GGT1: variants seen among roughly 807,000 people sequenced by gnomAD.
GGT1 encodes glutathione hydrolase 1 proenzyme.
A neutral mutation model predicts 56.0 loss-of-function variants in GGT1; 21 were observed. The ratio of observed to expected loss-of-function variants is 0.38; its 90% CI spans 0.27 to 0.54. The LOEUF (loss-of-function observed/expected upper bound fraction) is 0.54, where lower values mean the gene tolerates loss of function less well. GGT1 is among the 20% of genes least tolerant of loss of function. GGT1 has a pLI of 0.82. For missense variants in GGT1, 466 were observed against 787.0 expected, an observed-to-expected ratio of 0.59 and a Z score of 4.88; for synonymous variants, 238 against 342.6, an observed-to-expected ratio of 0.69 and a Z score of 3.37.
the GGT1 span, chr22:24,589,276 G>A: frequency 4.0e-6 from 5 of 1,248,624 alleles, no homozygotes; most frequent in South Asian, 1.4e-5. Flanking sequence ...CTGTGGGGTG[G>A]AGGCTGCAGG....
At chr22:24,608,489 G>A (rs1334260538) in intron 2 of GGT1, among the ~76,000 whole-genome samples, 1 of 152,208 alleles carries the variant, frequency 6.6e-6, no homozygotes, top group Non-Finnish European at 1.5e-5. Flanking sequence ...ATGACCCTGA[G>A]CCTGGGAGAG....
At chr22:24,621,576 G>A (rs1272993369) in intron 9 of GGT1, among the ~76,000 whole-genome samples, 1 of 52,488 alleles carries the variant, frequency 1.9e-5, no homozygotes, top group Non-Finnish European at 3.3e-5. Flanking sequence ...TTTTTGTCAC[G>A]TTTCATGGAG....
At chr22:24,586,464 C>G in the GGT1 span, 4 of 1,557,388 alleles carry the variant, frequency 2.6e-6, no homozygotes, top group East Asian at 9.0e-5. Context: ...AGTCCCCCCA[C>G]TGACCACAGA....
intron 5 of GGT1, among the ~76,000 whole-genome samples, chr22:24,614,275 G>A (rs1427438034): frequency 6.8e-6 from 1 of 147,162 alleles, no homozygotes; most frequent in African/African-American, 2.6e-5. Context: ...ATTGAGCCCA[G>A]GAGACTGAGG....
At chr22:24,613,015 C>A (rs1340302121) in intron 5 of GGT1, among the ~76,000 whole-genome samples, 1 of 152,130 alleles carries the variant, frequency 6.6e-6, no homozygotes, top group Non-Finnish European at 1.5e-5. Flanking sequence ...CTATTTTAGA[C>A]TCTTATCTCA....
chr22:24,588,835 TG>T, the GGT1 span: 1 of 1,012,014 alleles, frequency 9.9e-7, no homozygotes, highest in African/African-American at 1.7e-5. Flanking sequence ...CTGACAGGGC[TG>T]GGGGATGTAA....
chr22:24,624,439 C>T (rs1445363457), intron 11 of GGT1: 21 of 983,008 alleles, frequency 2.1e-5, no homozygotes, highest in Non-Finnish European at 2.5e-5. Flanking sequence ...TCCTTACCTA[C>T]TTGGGTCCTT....
intron 3 of GGT1, 73 bp downstream of exon 3, chr22:24,610,106 A>T (rs3894886): frequency 2.7e-5 from 11 of 408,420 alleles, no homozygotes; most frequent in Admixed American, 5.2e-5. Context: ...CATGCTGACC[A>T]CATGCACATC....
chr22:24,605,099 GTATTA>G (rs1430435866), intron 1 of GGT1, among the ~76,000 whole-genome samples: 1 of 22,536 alleles, frequency 4.4e-5, no homozygotes, highest in Non-Finnish European at 7.7e-5. Context: ...TATATAATAT[GTATTA>G]TATTATATAT....
the GGT1 span, among the ~76,000 whole-genome samples, chr22:24,584,608 T>C: frequency 6.6e-6 from 1 of 152,134 alleles, no homozygotes; most frequent in Non-Finnish European, 1.5e-5. Context: ...GCCATGGCTG[T>C]GAGGGAAAGT....
chr22:24,607,464 G>A (rs2046393429), intron 1 of GGT1, among the ~76,000 whole-genome samples: 1 of 152,208 alleles, frequency 6.6e-6, no homozygotes, highest in South Asian at 2.1e-4. Flanking sequence ...GGAGGGAACT[G>A]AGTCTGAAAG....
At chr22:24,617,423 C>T (rs143807761) in intron 7 of GGT1, among the ~76,000 whole-genome samples, 3 of 152,028 alleles carry the variant, frequency 2.0e-5, no homozygotes, top group African/African-American at 7.2e-5. Flanking sequence ...CTATGGACCC[C>T]GTGGGTTGCT....
chr22:24,607,162 G>C (rs1030561178), intron 1 of GGT1, among the ~76,000 whole-genome samples: 3 of 152,142 alleles, frequency 2.0e-5, no homozygotes, highest in African/African-American at 7.2e-5. Flanking sequence ...GGCTGTTCGG[G>C]TGGTTCCTTG....
chr22:24,620,126 G>C lies in GGT1; in HGVS notation c.383-202G>C, dbSNP rs1178496813. Reference sequence around the variant, plus strand: ...AGCGACTCAGGAGGCTGAGGTGGGAGGATCGCTTGAATCCAGGAGTTCGAG... The same window carrying C: ...AGCGACTCAGGAGGCTGAGGTGGGACGATCGCTTGAATCCAGGAGTTCGAG... On this transcript the variant is annotated intron_variant, in intron 7 of 15. Coordinates refer to ENST00000400382, the MANE Select transcript of GGT1 (RefSeq NM_001288833.2). This position sits in a 1 kb window ranked among gnomAD's most constrained non-coding sequence, Gnocchi z 5.6. 1.3e-5 allele frequency among the ~76,000 whole-genome samples: 2 copies of C among 152,132 alleles called. No homozygotes were observed. The highest frequency in any genetic ancestry group is 2.9e-5 in the Non-Finnish European group (2 of 68,016).
chr22:24,610,995 TTTAGA>T (rs2046620284), intron 4 of GGT1, 75 bp from the exon 5 acceptor site: 1 of 1,345,656 alleles, frequency 7.4e-7, no homozygotes. Flanking sequence ...GAGGCCCGAC[TTTAGA>T]CTGTGCCCTG....
rs575773538 is a variant in GGT1 at position 24,610,345 on chromosome 22, C to A, written c.-194C>A. ...GGCTGCGCGTGCTTCAGGTAACCTC[C>A]CTTGACCTTCAGGAGAACGAGAAGG... is the stretch of plus-strand genomic sequence containing the variant. On this transcript the variant is annotated 5_prime_UTR_variant, in exon 4 of 16. Coordinates refer to ENST00000400382, the MANE Select transcript of GGT1 (RefSeq NM_001288833.2). The A allele has an allele frequency of 2.5e-5, 6 of 237,524 alleles. No individual in the cohort carries two copies. In the East Asian group the frequency reaches 7.5e-4, roughly 30 times the overall value. The allele number at this position is 237,524 out of a possible 1,614,324, so 14.7% of individuals were successfully genotyped here. A position where few individuals can be genotyped will look rare whatever the true frequency, so the allele number is the denominator to read the frequency against.
chr22:24,611,196 ACC>A lies in GGT1; in HGVS notation c.116_117del (p.Thr39LysfsTer63). On this transcript the variant is annotated frameshift_variant, in exon 5 of 16. Transcript: ENST00000400382. LOFTEE classifies it high-confidence loss of function. ...CAAGGAACCTGACAACCATGTGTAC[ACC>A]AGGGCTGCCGTGGCCGCGGATGCCA... is the stretch of plus-strand genomic sequence containing the variant. ...ASKEPDNHVY[T>X]RAAVAADAKQ... is the part of the protein sequence containing the mutation. 1 of 1,586,482 alleles carries A rather than the reference ACC, an allele frequency of 6.3e-7. No homozygotes were observed. Among genetic ancestry groups the A allele is most frequent in the Non-Finnish European group, 8.6e-7 (1 of 1,166,788 alleles).
the GGT1 span, chr22:24,586,434 G>T: frequency 6.3e-7 from 1 of 1,591,710 alleles, no homozygotes; most frequent in South Asian, 1.1e-5. Context: ...GGCAGGTGGG[G>T]ATGGACTAGG....
chr22:24,586,794 G>C, the GGT1 span, among the ~76,000 whole-genome samples: 1 of 152,216 alleles, frequency 6.6e-6, no homozygotes, highest in Non-Finnish European at 1.5e-5. Context: ...GCCTCCCAAA[G>C]TGCTGGGATT....
Sources: allele counts gnomAD v4.1 joint callset (sites outside exome capture counted in the v4.1 genomes callset), GRCh38; gene constraint gnomAD v4.1.1; non-coding constraint Gnocchi (gnomAD v3.1); transcripts MANE v1.5; gene names NCBI Gene and HGNC (gene_info 2026-07-23, HGNC 2026-07-21).